The following SLC7A5 variants were observed in gnomAD, a reference collection of about 807,000 sequenced individuals.
The protein encoded by SLC7A5 is solute carrier family 7 member 5, also known as large neutral amino acids transporter small subunit 1.
A neutral mutation model predicts 50.2 loss-of-function variants in SLC7A5; 23 were observed. That is an observed-to-expected ratio of 0.46 (90% CI 0.33 to 0.65). The LOEUF is 0.65. Among genes scored for constraint, SLC7A5 ranks in the 30% least tolerant of loss-of-function variants. SLC7A5 has a pLI of 0.02. For missense variants in SLC7A5, 578 were observed against 684.4 expected, an observed-to-expected ratio of 0.84 and a Z score of 1.73; for synonymous variants, 393 against 330.6, an observed-to-expected ratio of 1.19 and a Z score of -2.05.
Position 87,833,160 on chromosome 16 carries a change from G to A in SLC7A5, c.1469-135C>T, listed in dbSNP as rs1567485350. ...CGCTGCCCAGCGCTGGGATTTTAAG[G>A]AACCTTCCCTTGTGTACTTGCGCAT... On this transcript the variant is annotated intron_variant, in intron 9 of 9. Transcript: ENST00000261622. This position sits in a 1 kb window ranked among gnomAD's most constrained non-coding sequence, Gnocchi z 6.0. 2 of 779,276 alleles carry A rather than the reference G, an allele frequency of 2.6e-6. No individual in the cohort carries two copies. The allele number at this position is 779,276 out of a possible 1,614,324, so 48.3% of individuals were successfully genotyped here. A position where few individuals can be genotyped will look rare whatever the true frequency, so the allele number is the denominator to read the frequency against.
chr16:87,846,766 C>A (rs976188311), intron 2 of SLC7A5, among the ~76,000 whole-genome samples: 1 of 152,256 alleles, frequency 6.6e-6, no homozygotes, highest in African/African-American at 2.4e-5. Context: ...GACCCACCCA[C>A]CCAGGCCTGC....
intron 1 of SLC7A5, among the ~76,000 whole-genome samples, chr16:87,855,123 G>T (rs1455810274): frequency 5.9e-5 from 9 of 152,246 alleles, no homozygotes; most frequent in African/African-American, 2.2e-4. Flanking sequence ...TCACGCAGGA[G>T]GGATTGGGGA....
Position 87,860,165 on chromosome 16 carries a change from C to T in SLC7A5, c.539-8316G>A, listed in dbSNP as rs964966966. Among the ~76,000 whole-genome samples, 23 of 151,914 alleles carry T rather than the reference C, an allele frequency of 1.5e-4. No individual in the cohort carries two copies. The highest frequency in any genetic ancestry group is 5.6e-4 in the African/African-American group (23 of 41,322). On this transcript the variant is annotated intron_variant, in intron 1 of 9. Transcript: ENST00000261622. The surrounding 1 kb of genome is among the most constrained non-coding windows in gnomAD (Gnocchi z 4.8). ...CTGACCAACATGGTGAAACCCCCGT[C>T]TCTACTAAAAACACAAAATTAGCTG...
In SLC7A5 at chr16:87,869,223, C is replaced by A. The variant is rs1176711158; in HGVS notation, c.200G>T (p.Gly67Val). Residue 67 changes from glycine to valine, a missense_variant, in exon 1 of 10, where the codon GGC becomes GTC. Gly to Val is a moderately radical substitution (Grantham distance 109). Around this residue, in one of 2 missense-constraint regions of SLC7A5, gnomAD observed 465 missense variants for 594.6 expected, o/e 0.78. Transcript: ENST00000261622. ...CACGCCCGTGGGCGTCACGAAGATG[C>A]CCGAGCCGATAATGGTCCCCACGAT... is the stretch of plus-strand genomic sequence containing the variant. ...AIIVGTIIGS[G>V]IFVTPTGVLK... is the part of the protein sequence containing the mutation. 1 of 1,612,484 alleles carries A rather than the reference C, an allele frequency of 6.2e-7. No homozygotes were observed. Among genetic ancestry groups the A allele is most frequent in the African/African-American group, 1.3e-5 (1 of 74,918 alleles).
chr16:87,847,851 C>T (rs141152465), intron 2 of SLC7A5, among the ~76,000 whole-genome samples: 3 of 152,324 alleles, frequency 2.0e-5, no homozygotes, highest in Non-Finnish European at 4.4e-5. Flanking sequence ...AAAACTGTCA[C>T]GTGACACACA....
chr16:87,854,366 CCA>C (rs1567498182), intron 1 of SLC7A5, among the ~76,000 whole-genome samples: 1 of 152,212 alleles, frequency 6.6e-6, no homozygotes, highest in Non-Finnish European at 1.5e-5. Flanking sequence ...TCATTATTCT[CCA>C]CAGTGTCCTT....
chr16:87,866,384 G>A (rs980276852), intron 1 of SLC7A5, among the ~76,000 whole-genome samples: 12 of 152,220 alleles, frequency 7.9e-5, no homozygotes, highest in Admixed American at 2.0e-4. Context: ...GGAGCTCAGT[G>A]GCACCATGCT....
intron 2 of SLC7A5, among the ~76,000 whole-genome samples, chr16:87,848,475 C>A (rs1052841624): frequency 2.6e-5 from 4 of 152,224 alleles, no homozygotes; most frequent in African/African-American, 9.6e-5. Flanking sequence ...GATCTGAACC[C>A]TCATGAGTAC....
intron 2 of SLC7A5, among the ~76,000 whole-genome samples, chr16:87,845,792 A>G (rs1219206384): frequency 6.6e-6 from 1 of 152,196 alleles, no homozygotes; most frequent in East Asian, 1.9e-4. Context: ...AGGCGGGGAA[A>G]GACCCTGAGA....
At chr16:87,847,264 A>G (rs1257463232) in intron 2 of SLC7A5, among the ~76,000 whole-genome samples, 2 of 152,224 alleles carry the variant, frequency 1.3e-5, no homozygotes, top group African/African-American at 4.8e-5. Flanking sequence ...TTTTCTCACC[A>G]GAACAGCCCA....
At chr16:87,834,966 A>G (rs2054980035) in intron 8 of SLC7A5, among the ~76,000 whole-genome samples, 1 of 152,242 alleles carries the variant, frequency 6.6e-6, no homozygotes, top group South Asian at 2.1e-4. Flanking sequence ...CCCACTAATA[A>G]GCCAGGAGAC....
chr16:87,839,082 G>A lies in SLC7A5; in HGVS notation c.940-265C>T, dbSNP rs558217585. On this transcript the variant is annotated intron_variant, in intron 5 of 9. Coordinates refer to ENST00000261622, the MANE Select transcript of SLC7A5 (RefSeq NM_003486.7). ...TCTGGGACTCCCTGGAGCAAGCTACGGCCTGCAGGTGGGGATCTTGCCTTC... is the reference window on the plus strand; with the variant it reads ...TCTGGGACTCCCTGGAGCAAGCTACAGCCTGCAGGTGGGGATCTTGCCTTC... Among the ~76,000 whole-genome samples the A allele has an allele frequency of 2.6e-5, 4 of 152,332 alleles. No individual in the cohort carries two copies. In the South Asian group the frequency reaches 6.2e-4, roughly 24 times the overall value.
intron 2 of SLC7A5, among the ~76,000 whole-genome samples, chr16:87,847,620 A>G (rs1367182278): frequency 1.3e-5 from 2 of 152,138 alleles, no homozygotes; most frequent in Non-Finnish European, 2.9e-5. Context: ...ACCTCCCAAG[A>G]GCAGATGGGC....
intron 3 of SLC7A5, 90 bp from the exon 4 acceptor site, chr16:87,840,563 G>A: frequency 8.7e-7 from 1 of 1,147,218 alleles, no homozygotes; most frequent in Non-Finnish European, 1.3e-6. Context: ...CAGCTGGTGA[G>A]CCTGCCCCCC....
intron 2 of SLC7A5, among the ~76,000 whole-genome samples, chr16:87,845,211 G>C (rs1267036202): frequency 1.3e-5 from 2 of 152,208 alleles, no homozygotes; most frequent in African/African-American, 4.8e-5. Flanking sequence ...CAGTGCATCA[G>C]GCATGGTCAG....
At position 87,863,986 on chromosome 16, in the gene SLC7A5, A is replaced by AATACATATATAT. The variant is rs1555516644; in HGVS notation, c.538+4898_538+4899insATATATATGTAT. 7.7e-4 allele frequency among the ~76,000 whole-genome samples: 64 copies of AATACATATATAT among 83,278 alleles called. 1 individual carries two copies. The East Asian group carries it at 0.013, about 17-fold the overall frequency. 54.6% of individuals were successfully genotyped at this position (83,278 alleles called of 152,430 possible). Reference sequence around the variant, plus strand: ...CCAACCTTATGTGTGATCATTTAAAAATATATATATATATATATATATCAG... The same window carrying AATACATATATAT: ...CCAACCTTATGTGTGATCATTTAAAAATACATATATATATATATATATATATATATATATCAG... On this transcript the variant is annotated intron_variant, in intron 1 of 9. Coordinates refer to ENST00000261622, the MANE Select transcript of SLC7A5 (RefSeq NM_003486.7).
intron 3 of SLC7A5, 79 bp downstream of exon 3, chr16:87,840,971 G>T: frequency 1.0e-6 from 1 of 983,132 alleles, no homozygotes; most frequent in South Asian, 1.3e-5. Context: ...CCCCTTGATG[G>T]CTGGGAGATT....
chr16:87,867,491 C>T (rs892242012), intron 1 of SLC7A5, among the ~76,000 whole-genome samples: 18 of 152,256 alleles, frequency 1.2e-4, no homozygotes, highest in African/African-American at 4.3e-4. Flanking sequence ...CTCAGAGAAA[C>T]CACACAGAGC....
chr16:87,864,767 A>T (rs1430133395), intron 1 of SLC7A5, among the ~76,000 whole-genome samples: 1 of 152,228 alleles, frequency 6.6e-6, no homozygotes, highest in Non-Finnish European at 1.5e-5. Flanking sequence ...CAGTATGATT[A>T]ACTAACAAAA....
Sources: gnomAD v4.1 joint callset for allele counts (sites outside exome capture counted in the v4.1 genomes callset) on GRCh38, gnomAD v4.1.1 for gene constraint, gnomAD v4.1.1 regional missense constraint, Gnocchi (gnomAD v3.1) non-coding constraint, MANE v1.5 for transcripts, NCBI Gene and HGNC (gene_info 2026-07-23, HGNC 2026-07-21) for gene names.